The following PLEKHM3 variants were observed in gnomAD, a reference collection of about 807,000 sequenced individuals.
PLEKHM3 encodes the protein pleckstrin homology domain containing M3.
A neutral mutation model predicts 81.8 loss-of-function variants in PLEKHM3; 45 were observed. That is an observed-to-expected ratio of 0.55 (90% CI 0.43 to 0.71). PLEKHM3 has a LOEUF of 0.71. Among genes scored for constraint, PLEKHM3 ranks in the 30% least tolerant of loss-of-function variants. The probability of loss-of-function intolerance (pLI) is 0.00; values close to 1 mark genes in which losing one functional copy is unlikely to be tolerated. For missense variants in PLEKHM3, 788 were observed against 924.3 expected, an observed-to-expected ratio of 0.85 and a Z score of 1.91; for synonymous variants, 352 against 356.4, an observed-to-expected ratio of 0.99 and a Z score of 0.14.
intron 2 of PLEKHM3, among the ~76,000 whole-genome samples, chr2:207,980,446 AC>A (rs1691481877): frequency 6.6e-6 from 1 of 152,018 alleles, no homozygotes; most frequent in African/African-American, 2.4e-5. Flanking sequence ...TTTTTTCCCC[AC>A]TCACTAAGCA....
intron 4 of PLEKHM3, among the ~76,000 whole-genome samples, chr2:207,939,302 G>C (rs952559942): frequency 7.9e-5 from 12 of 152,128 alleles, no homozygotes; most frequent in Admixed American, 6.6e-4. Context: ...CTGGTAGAGA[G>C]GAAAGAAACA....
intron 5 of PLEKHM3, among the ~76,000 whole-genome samples, chr2:207,918,889 C>A (rs1689089710): frequency 6.6e-6 from 1 of 152,070 alleles, no homozygotes. Context: ...ATAGGTTGAA[C>A]AAAGCAAAAC....
chr2:207,841,873 T>C (rs998244708), intron 7 of PLEKHM3, among the ~76,000 whole-genome samples: 17 of 152,208 alleles, frequency 1.1e-4, no homozygotes, highest in Non-Finnish European at 2.2e-4. Context: ...CATAAAACTT[T>C]GAGAAGTTAA....
At chr2:207,844,015 G>A (rs577244822) in intron 7 of PLEKHM3, among the ~76,000 whole-genome samples, 3 of 152,148 alleles carry the variant, frequency 2.0e-5, no homozygotes, top group Non-Finnish European at 2.9e-5. Context: ...CCTGGGAGGT[G>A]GAGGCTGCAG....
chr2:207,954,822 T>A (rs894487116), intron 3 of PLEKHM3, among the ~76,000 whole-genome samples: 6 of 152,176 alleles, frequency 3.9e-5, no homozygotes, highest in Non-Finnish European at 7.4e-5. Flanking sequence ...TGACTGAAAA[T>A]ATAAACTTGC....
chr2:208,016,147 T>A (rs1275430999), intron 1 of PLEKHM3, among the ~76,000 whole-genome samples: 1 of 151,794 alleles, frequency 6.6e-6, no homozygotes, highest in African/African-American at 2.4e-5. Flanking sequence ...TGAGCCGAGA[T>A]TGCACCATTG....
At chr2:207,887,465 C>T (rs1386368904) in intron 6 of PLEKHM3, among the ~76,000 whole-genome samples, 3 of 152,196 alleles carry the variant, frequency 2.0e-5, no homozygotes, top group Admixed American at 6.5e-5. Flanking sequence ...AACAAGGCTG[C>T]CCAAATGTAT....
intron 3 of PLEKHM3, among the ~76,000 whole-genome samples, chr2:207,974,184 C>T (rs1212513585): frequency 6.6e-6 from 1 of 152,160 alleles, no homozygotes; most frequent in Non-Finnish European, 1.5e-5. Context: ...TCTATTCCTG[C>T]CCATTATATT....
chr2:207,984,163 C>G (rs1574468448), intron 2 of PLEKHM3, among the ~76,000 whole-genome samples: 1 of 152,290 alleles, frequency 6.6e-6, no homozygotes, highest in East Asian at 1.9e-4. Flanking sequence ...TTCTTTCATC[C>G]CTCTTACCCC....
chr2:207,862,185 T>G (rs2092471002), intron 6 of PLEKHM3, among the ~76,000 whole-genome samples: 1 of 152,252 alleles, frequency 6.6e-6, no homozygotes, highest in Non-Finnish European at 1.5e-5. Flanking sequence ...AGATAAAATC[T>G]GCCTTTGCTT....
intron 3 of PLEKHM3, among the ~76,000 whole-genome samples, chr2:207,950,586 C>A (rs1469981871): frequency 8.5e-5 from 13 of 152,104 alleles, no homozygotes; most frequent in Admixed American, 8.5e-4. Context: ...CCCATCCTAT[C>A]CCCAACCCAC....
intron 6 of PLEKHM3, among the ~76,000 whole-genome samples, chr2:207,883,362 T>A (rs1393795935): frequency 6.6e-6 from 1 of 151,932 alleles, no homozygotes; most frequent in Non-Finnish European, 1.5e-5. Context: ...GCCATTAGAG[T>A]TAGATTAAGG....
intron 7 of PLEKHM3, among the ~76,000 whole-genome samples, chr2:207,831,429 C>A (rs892074785): frequency 3.9e-5 from 6 of 152,202 alleles, no homozygotes; most frequent in African/African-American, 1.4e-4. Flanking sequence ...CATAGGGAAA[C>A]GTAGGGCTTC....
At chr2:207,916,038 G>A (rs1164393369) in intron 5 of PLEKHM3, among the ~76,000 whole-genome samples, 2 of 152,170 alleles carry the variant, frequency 1.3e-5, no homozygotes, top group Non-Finnish European at 2.9e-5. Context: ...CATACTCTGA[G>A]CTAATGGAAA....
At chr2:207,924,897 C>T (rs996522085) in intron 5 of PLEKHM3, among the ~76,000 whole-genome samples, 1 of 151,914 alleles carries the variant, frequency 6.6e-6, no homozygotes, top group Non-Finnish European at 1.5e-5. Context: ...AAGGGGGAGA[C>T]TCGGACAGGA....
intron 3 of PLEKHM3, among the ~76,000 whole-genome samples, chr2:207,961,261 G>C (rs1690722688): frequency 6.6e-6 from 1 of 152,206 alleles, no homozygotes; most frequent in Non-Finnish European, 1.5e-5. Flanking sequence ...AGGAGACCAA[G>C]ACTCAAACTA....
intron 7 of PLEKHM3, among the ~76,000 whole-genome samples, chr2:207,852,021 T>C (rs10192712): frequency 0.64 from 97,409 of 151,958 alleles, 31,679 homozygotes; most frequent in Non-Finnish European, 0.7. Flanking sequence ...CAAACCAATC[T>C]AGTCATGGCT....
At chr2:207,885,833 G>C (rs1687869664) in intron 6 of PLEKHM3, among the ~76,000 whole-genome samples, 1 of 152,208 alleles carries the variant, frequency 6.6e-6, no homozygotes, top group African/African-American at 2.4e-5. Flanking sequence ...AGACATAAGA[G>C]AGTTTCATAA....
intron 1 of PLEKHM3, among the ~76,000 whole-genome samples, chr2:208,006,762 T>A (rs1335617092): frequency 6.6e-6 from 1 of 152,220 alleles, no homozygotes; most frequent in Non-Finnish European, 1.5e-5. Context: ...CAGTGACCTA[T>A]AGACATTTTA....
Sources: gnomAD v4.1 joint callset for allele counts (sites outside exome capture counted in the v4.1 genomes callset) on GRCh38, gnomAD v4.1.1 for gene constraint, MANE v1.5 for transcripts, NCBI Gene and HGNC (gene_info 2026-07-23, HGNC 2026-07-21) for gene names.